TMEM108: variants seen among roughly 807,000 people sequenced by gnomAD.
The protein encoded by TMEM108 is cancer/testis antigen 124.
A neutral mutation model predicts 35.1 loss-of-function variants in TMEM108; 12 were observed. The ratio of observed to expected loss-of-function variants is 0.34; its 90% CI spans 0.22 to 0.55. The LOEUF is 0.55. Among genes scored for constraint, TMEM108 ranks in the 20% least tolerant of loss-of-function variants. The pLI, the probability that TMEM108 is intolerant of heterozygous loss-of-function variation, is 0.89. For missense variants in TMEM108, 680 were observed against 753.3 expected (o/e 0.90, Z 1.14); for synonymous variants, 287 against 308.6 (o/e 0.93, Z 0.73).
intron 2 of TMEM108, among the ~76,000 whole-genome samples, chr3:133,085,756 T>C (rs1250550484): frequency 6.7e-6 from 1 of 148,412 alleles, no homozygotes; most frequent in Non-Finnish European, 1.5e-5. Flanking sequence ...TTTGTAATAA[T>C]TACTTTTATT....
chr3:133,082,394 CGTT>C (rs889769403), intron 2 of TMEM108, among the ~76,000 whole-genome samples: 5 of 152,168 alleles, frequency 3.3e-5, no homozygotes, highest in African/African-American at 9.7e-5. Flanking sequence ...GACTCTCTGT[CGTT>C]GTATGCGTTG....
chr3:133,386,829 C>A, intron 4 of TMEM108: 1 of 686,298 alleles, frequency 1.5e-6, no homozygotes, highest in Non-Finnish European at 1.8e-6. Flanking sequence ...TCATCAAGAC[C>A]TGGACTCAAG....
intron 3 of TMEM108, among the ~76,000 whole-genome samples, chr3:133,250,937 C>T (rs1946459807): frequency 6.6e-6 from 1 of 152,034 alleles, no homozygotes; most frequent in African/African-American, 2.4e-5. Context: ...TGGTATTGAG[C>T]CACTTGTGTT....
chr3:133,328,101 A>G (rs1000442607), intron 3 of TMEM108, among the ~76,000 whole-genome samples: 1 of 152,136 alleles, frequency 6.6e-6, no homozygotes, highest in African/African-American at 2.4e-5. Flanking sequence ...GGAGTCTAAG[A>G]GTGCAAGTCC....
intron 3 of TMEM108, among the ~76,000 whole-genome samples, chr3:133,375,876 T>C (rs1458179012): frequency 6.6e-6 from 1 of 152,170 alleles, no homozygotes; most frequent in Non-Finnish European, 1.5e-5. Flanking sequence ...AATGAGGGGA[T>C]TGGATTAGGT....
chr3:133,081,302 C>A (rs10935045), intron 2 of TMEM108, among the ~76,000 whole-genome samples: 22,404 of 152,150 alleles, frequency 0.15, 1,642 homozygotes, highest in East Asian at 0.18. Context: ...GGTTTTCTTC[C>A]CAGTTTGCAG....
intron 2 of TMEM108, among the ~76,000 whole-genome samples, chr3:133,194,264 C>G (rs1945544640): frequency 6.6e-6 from 1 of 152,108 alleles, no homozygotes; most frequent in African/African-American, 2.4e-5. Flanking sequence ...ATATCAACTT[C>G]TACTTAATTT....
At chr3:133,044,981 T>C (rs925580841) in intron 1 of TMEM108, among the ~76,000 whole-genome samples, 7 of 151,834 alleles carry the variant, frequency 4.6e-5, no homozygotes, top group African/African-American at 1.5e-4. Flanking sequence ...TTTTCTTTTT[T>C]TTTTGAGACG....
intron 2 of TMEM108, among the ~76,000 whole-genome samples, chr3:133,048,248 A>G (rs1026137555): frequency 1.3e-5 from 2 of 152,244 alleles, no homozygotes; most frequent in Non-Finnish European, 2.9e-5. Context: ...AAGGAAAACT[A>G]TCGTCCCAAA....
At chr3:133,141,683 A>G (rs1474054806) in intron 2 of TMEM108, among the ~76,000 whole-genome samples, 1 of 152,160 alleles carries the variant, frequency 6.6e-6, no homozygotes, top group Non-Finnish European at 1.5e-5. Flanking sequence ...TGACAATTGA[A>G]CAGTCCCTGC....
chr3:133,181,328 G>C (rs1433577760), intron 2 of TMEM108, among the ~76,000 whole-genome samples: 1 of 152,080 alleles, frequency 6.6e-6, no homozygotes, highest in African/African-American at 2.4e-5. Flanking sequence ...TTCATCATAG[G>C]AAAAGAGAGA....
chr3:133,196,473 G>A (rs759675659), intron 2 of TMEM108, among the ~76,000 whole-genome samples: 1 of 152,182 alleles, frequency 6.6e-6, no homozygotes, highest in Non-Finnish European at 1.5e-5. Flanking sequence ...CATGTAGCTT[G>A]ATGTAGTCCT....
At chr3:133,290,823 T>A (rs546110125) in intron 3 of TMEM108, among the ~76,000 whole-genome samples, 1 of 152,244 alleles carries the variant, frequency 6.6e-6, no homozygotes, top group South Asian at 2.1e-4. Context: ...ACCTGAACTT[T>A]GGAGCATGAG....
intron 3 of TMEM108, among the ~76,000 whole-genome samples, chr3:133,239,821 A>C (rs1946288423): frequency 6.6e-6 from 1 of 152,206 alleles, no homozygotes; most frequent in African/African-American, 2.4e-5. Flanking sequence ...TGAGTTCTGG[A>C]ATAAAACCAG....
At chr3:133,104,884 CT>C in intron 2 of TMEM108, among the ~76,000 whole-genome samples, 1 of 152,150 alleles carries the variant, frequency 6.6e-6, no homozygotes, top group East Asian at 1.9e-4. Flanking sequence ...TGCTACTTTC[CT>C]GGATTTCCCA....
chr3:133,108,012 A>G (rs1576322425), intron 2 of TMEM108, among the ~76,000 whole-genome samples: 1 of 152,122 alleles, frequency 6.6e-6, no homozygotes, highest in South Asian at 2.1e-4. Flanking sequence ...TGGGTGGATC[A>G]CTTGAGGTCA....
intron 2 of TMEM108, among the ~76,000 whole-genome samples, chr3:133,062,796 C>T (rs973220241): frequency 2.6e-5 from 4 of 152,138 alleles, no homozygotes; most frequent in African/African-American, 9.7e-5. Context: ...TTGTGGCTTT[C>T]GAGTGAGATC....
chr3:133,205,270 G>T (rs1396521791), intron 2 of TMEM108, among the ~76,000 whole-genome samples: 1 of 152,046 alleles, frequency 6.6e-6, no homozygotes, highest in African/African-American at 2.4e-5. Context: ...TTGCCAGTCT[G>T]TGTCTTTTAA....
chr3:133,187,617 G>A (rs192656892), intron 2 of TMEM108, among the ~76,000 whole-genome samples: 1 of 152,276 alleles, frequency 6.6e-6, no homozygotes, highest in Admixed American at 6.5e-5. Flanking sequence ...AGGCATGTTG[G>A]CAGGTGCCTA....
Sources: gnomAD v4.1 joint callset for allele counts (sites outside exome capture counted in the v4.1 genomes callset) on GRCh38, gnomAD v4.1.1 for gene constraint, MANE v1.5 for transcripts, NCBI Gene and HGNC (gene_info 2026-07-23, HGNC 2026-07-21) for gene names.